EIF2B3: variants seen among roughly 807,000 people sequenced by gnomAD.
EIF2B3 encodes eukaryotic translation initiation factor 2B subunit gamma.
A neutral mutation model predicts 54.1 loss-of-function variants in EIF2B3; 20 were observed. The ratio of observed to expected loss-of-function variants is 0.37; its 90% confidence interval spans 0.26 to 0.54. EIF2B3 has a LOEUF of 0.54. Ranked by LOEUF, EIF2B3 falls within the 20% of genes least tolerant of loss-of-function variation. EIF2B3 has a pLI of 0.86. For missense variants in EIF2B3, 448 were observed against 547.8 expected, an observed-to-expected ratio of 0.82 and a Z score of 1.82; for synonymous variants, 153 against 188.1, an observed-to-expected ratio of 0.81 and a Z score of 1.52.
intron 4 of EIF2B3, among the ~76,000 whole-genome samples, chr1:44,934,686 G>C (rs1643928646): frequency 6.6e-6 from 1 of 151,872 alleles, no homozygotes; most frequent in African/African-American, 2.4e-5. Flanking sequence ...TGTATTTTTA[G>C]TAGAGACAGG....
chr1:44,930,080 G>A (rs191295767), intron 4 of EIF2B3, among the ~76,000 whole-genome samples: 5 of 152,078 alleles, frequency 3.3e-5, no homozygotes, highest in Non-Finnish European at 2.9e-5. Context: ...AAGTATTCAC[G>A]TTTTTTTCCC....
chr1:44,975,267 G>A (rs754206152), intron 3 of EIF2B3, among the ~76,000 whole-genome samples: 2 of 152,076 alleles, frequency 1.3e-5, no homozygotes, highest in Non-Finnish European at 2.9e-5. Flanking sequence ...GAGAAATTAA[G>A]CGAAACTTAA....
intron 3 of EIF2B3, among the ~76,000 whole-genome samples, chr1:44,942,398 TATATATATATATATATATA>T (rs1440152079): frequency 7.4e-4 from 14 of 19,032 alleles, no homozygotes; most frequent in Non-Finnish European, 1.3e-3. Context: ...TATATATATA[TATATATATATATATATATA>T]TTTTTTTTTT....
Position 44,924,442 on chromosome 1 carries a change from G to A in EIF2B3, c.566+2186C>T, listed in dbSNP as rs189952047. ...TTTTGAGACCGAGTCTCACTCTGTC[G>A]CCCAGCGCAATCTAGGCTCACTGCA... is the stretch of plus-strand genomic sequence containing the variant. On this transcript the variant is annotated intron_variant, in intron 5 of 11. Transcript: ENST00000360403. Among the ~76,000 whole-genome samples, 92 of 151,330 alleles carry A rather than the reference G, an allele frequency of 6.1e-4. No homozygotes were observed. The East Asian group carries it at 0.014, about 23-fold the overall frequency.
chr1:44,938,669 T>C (rs1455894528), intron 4 of EIF2B3, among the ~76,000 whole-genome samples: 1 of 151,996 alleles, frequency 6.6e-6, no homozygotes, highest in Non-Finnish European at 1.5e-5. Flanking sequence ...AAATTGTTTG[T>C]AGAGATGGGG....
chr1:44,899,406 G>C (rs1322894098), intron 5 of EIF2B3, among the ~76,000 whole-genome samples: 1 of 152,106 alleles, frequency 6.6e-6, no homozygotes, highest in African/African-American at 2.4e-5. Flanking sequence ...CTACAGAAAT[G>C]GGAGGAAATA....
intron 4 of EIF2B3, among the ~76,000 whole-genome samples, chr1:44,928,256 C>A (rs1476903561): frequency 6.6e-6 from 1 of 151,932 alleles, no homozygotes; most frequent in Non-Finnish European, 1.5e-5. Context: ...ACCAGCCTGG[C>A]CAACATGGTG....
chr1:44,858,643 T>C (rs547798839), intron 10 of EIF2B3, among the ~76,000 whole-genome samples: 1 of 152,114 alleles, frequency 6.6e-6, no homozygotes, highest in African/African-American at 2.4e-5. Flanking sequence ...TTTTGTATTT[T>C]TAGTACAGAT....
At position 44,869,884 on chromosome 1, in the gene EIF2B3, A is replaced by G. The variant is rs148308362; in HGVS notation, c.1202+4794T>C. Among the ~76,000 whole-genome samples, 172 of 152,244 alleles carry G rather than the reference A, an allele frequency of 1.1e-3. 1 individual carries two copies. The highest frequency in any genetic ancestry group is 3.9e-3 in the African/African-American group (164 of 41,550). ...ACAATGGGGGAAGGGTAAATATAGA[A>G]GACGAAGAATGATGAAGACAGGAAA... On this transcript the variant is annotated intron_variant, in intron 10 of 11. Coordinates refer to ENST00000360403, the MANE Select transcript of EIF2B3 (RefSeq NM_020365.5).
In EIF2B3 at chr1:44,876,716, C is replaced by T. The variant is rs530700144; in HGVS notation, c.976-1021G>A. 1.0e-4 allele frequency among the ~76,000 whole-genome samples: 14 copies of T among 139,954 alleles called. No homozygotes were observed. The East Asian group carries it at 2.8e-3, about 28-fold the overall frequency. The allele number at this position is 139,954 out of a possible 152,430, so 91.8% of individuals were successfully genotyped here. A position where few individuals can be genotyped will look rare whatever the true frequency, so the allele number is the denominator to read the frequency against. On this transcript the variant is annotated intron_variant, in intron 8 of 11. Coordinates refer to ENST00000360403, the MANE Select transcript of EIF2B3 (RefSeq NM_020365.5). ...GGTGTACCCAACAGCTCATTGAGAA[C>T]GGGCCATGATGACAATGGCGGTTTT... is the stretch of plus-strand genomic sequence containing the variant.
At chr1:44,916,110 A>G (rs909711431) in intron 5 of EIF2B3, among the ~76,000 whole-genome samples, 8 of 152,224 alleles carry the variant, frequency 5.3e-5, no homozygotes, top group African/African-American at 1.9e-4. Context: ...ACATTCTGCA[A>G]CCATAATTCC....
chr1:44,872,009 A>C (rs1654981708), intron 10 of EIF2B3, among the ~76,000 whole-genome samples: 1 of 151,028 alleles, frequency 6.6e-6, no homozygotes, highest in Non-Finnish European at 1.5e-5. Flanking sequence ...TTACAGGTGC[A>C]CACCACCATG....
intron 3 of EIF2B3, among the ~76,000 whole-genome samples, chr1:44,946,885 G>A (rs899220592): frequency 2.6e-5 from 4 of 152,160 alleles, no homozygotes; most frequent in Non-Finnish European, 4.4e-5. Flanking sequence ...AGAGAAAGTA[G>A]AAAAACTGAT....
At chr1:44,901,550 CTTTTTTTTTT>C (rs36059931) in intron 5 of EIF2B3, among the ~76,000 whole-genome samples, 4 of 111,582 alleles carry the variant, frequency 3.6e-5, no homozygotes, top group Admixed American at 1.9e-4. Flanking sequence ...TGGGCCTGGC[CTTTTTTTTTT>C]TTTTTTTTTT....
At chr1:44,961,011 A>G (rs1199932856) in intron 3 of EIF2B3, among the ~76,000 whole-genome samples, 1 of 151,854 alleles carries the variant, frequency 6.6e-6, no homozygotes, top group Non-Finnish European at 1.5e-5. Context: ...TTTTAAAAAT[A>G]TATGTACAAT....
intron 3 of EIF2B3, among the ~76,000 whole-genome samples, chr1:44,951,109 A>T (rs1375821737): frequency 1.3e-5 from 2 of 151,970 alleles, no homozygotes; most frequent in Admixed American, 6.6e-5. Flanking sequence ...ACGTTCAATT[A>T]TTTTTTTTCT....
chr1:44,926,780 T>G lies in EIF2B3; in HGVS notation c.455-41A>C, dbSNP rs748387340. 2.6e-6 allele frequency: 4 copies of G among 1,536,444 alleles called. 1 individual carries two copies. In the South Asian group the frequency reaches 4.5e-5, roughly 17 times the overall value. On this transcript the variant is annotated intron_variant, in intron 4 of 11. Coordinates refer to ENST00000360403, the MANE Select transcript of EIF2B3 (RefSeq NM_020365.5). Reference sequence around the variant, plus strand: ...GAAAAAAAAAATCAAATAAAGCCATTTGCCCTGCCTGTATGAATACACCAG... The same window carrying G: ...GAAAAAAAAAATCAAATAAAGCCATGTGCCCTGCCTGTATGAATACACCAG...
At chr1:44,931,906 T>C (rs752189057) in intron 4 of EIF2B3, among the ~76,000 whole-genome samples, 2 of 152,068 alleles carry the variant, frequency 1.3e-5, no homozygotes, top group Non-Finnish European at 2.9e-5. Flanking sequence ...CATTTGAGGC[T>C]AGGAGTTCAA....
chr1:44,893,044 A>G (rs1329491518), intron 6 of EIF2B3, among the ~76,000 whole-genome samples: 1 of 151,934 alleles, frequency 6.6e-6, no homozygotes, highest in East Asian at 1.9e-4. Flanking sequence ...GCTATTCTAC[A>G]CTTTCATCTT....
Sources: allele counts gnomAD v4.1 joint callset (sites outside exome capture counted in the v4.1 genomes callset), GRCh38; gene constraint gnomAD v4.1.1; transcripts MANE v1.5; gene names NCBI Gene and HGNC (gene_info 2026-07-23, HGNC 2026-07-21).